Variants in HERC3 observed in about 807,000 individuals in gnomAD.
HERC3 encodes the protein HECT and RLD domain containing E3 ubiquitin protein ligase 3.
HERC3 carries 58 observed loss-of-function variants against 129.9 expected under a neutral mutation model. That is an observed-to-expected ratio of 0.45 (90% CI 0.36 to 0.56). HERC3 has a LOEUF of 0.56. Ranked by LOEUF, HERC3 falls within the 20% of genes least tolerant of loss-of-function variation. The pLI, the probability that HERC3 is intolerant of heterozygous loss-of-function variation, is 0.00. For synonymous variants in HERC3, 430 were observed against 451.0 expected, an observed-to-expected ratio of 0.95 and a Z score of 0.59; for missense variants, 835 against 1,244.2, an observed-to-expected ratio of 0.67 and a Z score of 4.95.
chr4:88,627,904 C>CA (rs60358778), intron 3 of HERC3, among the ~76,000 whole-genome samples: 320 of 80,476 alleles, frequency 4.0e-3, no homozygotes, highest in Non-Finnish European at 6.1e-3. Context: ...AACTCCGTCT[C>CA]AAAAAAAAAA....
chr4:88,701,641 T>C (rs987363465), intron 23 of HERC3, among the ~76,000 whole-genome samples: 3 of 152,196 alleles, frequency 2.0e-5, no homozygotes, highest in Admixed American at 6.5e-5. Flanking sequence ...CTGATACCGC[T>C]GTACATACCC....
At chr4:88,562,865 T>G in the HERC3 span, among the ~76,000 whole-genome samples, 1 of 152,240 alleles carries the variant, frequency 6.6e-6, no homozygotes. Context: ...TTTATGTGTC[T>G]GTTTTTATGC....
At position 88,679,997 on chromosome 4, in the gene HERC3, C is replaced by G. The variant is rs1732593173; in HGVS notation, c.2197-96C>G. The G allele has an allele frequency of 1.7e-5, 18 of 1,065,460 alleles. No homozygotes were observed. The South Asian group carries it at 3.1e-4, about 18-fold the overall frequency. The allele number at this position is 1,065,460 out of a possible 1,614,324, so 66.0% of individuals were successfully genotyped here. ...AGTGTGTATTCTTTGTTATGCTTTC[C>G]TTCCTTTGTCCTGAGTTTAGAAAAT... On this transcript the variant is annotated intron_variant, in intron 19 of 25. Coordinates refer to ENST00000402738, the MANE Select transcript of HERC3 (RefSeq NM_014606.3).
At chr4:88,688,394 C>T (rs1733706184) in intron 23 of HERC3, among the ~76,000 whole-genome samples, 1 of 151,992 alleles carries the variant, frequency 6.6e-6, no homozygotes, top group Non-Finnish European at 1.5e-5. Flanking sequence ...GGAAATAGAC[C>T]GTGTGCAGGG....
intron 2 of HERC3, among the ~76,000 whole-genome samples, chr4:88,599,973 CTCTT>C (rs1722805168): frequency 6.6e-6 from 1 of 152,280 alleles, no homozygotes; most frequent in South Asian, 2.1e-4. Context: ...AGCATAGTGT[CTCTT>C]TCTTTTCCTT....
At chr4:88,663,747 A>T (rs1730752616) in intron 11 of HERC3, among the ~76,000 whole-genome samples, 2 of 152,148 alleles carry the variant, frequency 1.3e-5, no homozygotes, top group African/African-American at 4.8e-5. Context: ...AATAGAAGTA[A>T]TTTTTCAGTT....
chr4:88,648,852 A>G (rs1203411092), intron 3 of HERC3, among the ~76,000 whole-genome samples: 1 of 144,638 alleles, frequency 6.9e-6, no homozygotes, highest in Non-Finnish European at 1.5e-5. Context: ...TTTTTCTTCT[A>G]TTTCCTAGAA....
intron 3 of HERC3, among the ~76,000 whole-genome samples, chr4:88,607,498 C>G (rs944770973): frequency 2.6e-5 from 4 of 152,040 alleles, no homozygotes; most frequent in South Asian, 2.1e-4. Context: ...GGATCTGGCT[C>G]TGTCGCCCAG....
At chr4:88,569,961 G>A in the HERC3 span, among the ~76,000 whole-genome samples, 3 of 152,224 alleles carry the variant, frequency 2.0e-5, no homozygotes, top group Non-Finnish European at 4.4e-5. Context: ...GTGGGAACAA[G>A]TCTGTGTCCA....
chr4:88,593,260 GGT>G (rs528386367), intron 1 of HERC3: 7,177 of 151,454 alleles, frequency 0.047, 553 homozygotes, highest in African/African-American at 0.16. Context: ...CGTGTGTACG[GGT>G]GTGTGTGTGT....
intron 3 of HERC3, among the ~76,000 whole-genome samples, chr4:88,607,472 A>AT (rs1319023565): frequency 1.3e-5 from 2 of 150,632 alleles, no homozygotes; most frequent in Admixed American, 6.6e-5. Context: ...CTATTTTTAC[A>AT]TTTTTTTTTG....
chr4:88,699,317 C>CTTCCCCACCGACCCACCCCTACCCT (rs1735088432), intron 23 of HERC3, among the ~76,000 whole-genome samples: 2 of 59,230 alleles, frequency 3.4e-5, no homozygotes, highest in Non-Finnish European at 6.1e-5. Context: ...CCACCCTCTT[C>CTTCCCCACCGACCCACCCCTACCCT]CTCCCCACCC....
At chr4:88,565,939 T>C in the HERC3 span, among the ~76,000 whole-genome samples, 1 of 152,120 alleles carries the variant, frequency 6.6e-6, no homozygotes, top group African/African-American at 2.4e-5. Context: ...TGTGTATCTG[T>C]TGCATGTTTT....
At chr4:88,552,109 G>A in the HERC3 span, among the ~76,000 whole-genome samples, 34 of 120,480 alleles carry the variant, frequency 2.8e-4, no homozygotes, top group African/African-American at 1.0e-3. Flanking sequence ...ACAGGAAGGG[G>A]AACATCACAG....
At chr4:88,673,263 C>T (rs1043931695) in intron 16 of HERC3, among the ~76,000 whole-genome samples, 14 of 152,116 alleles carry the variant, frequency 9.2e-5, no homozygotes, top group Non-Finnish European at 1.3e-4. Flanking sequence ...GTATTGTGCA[C>T]GTGTGAGACA....
rs529858708 is a variant in HERC3, at chr4:88,616,306, AC to A, written c.226+10259del. On this transcript the variant is annotated intron_variant, in intron 3 of 25. Coordinates refer to ENST00000402738, the MANE Select transcript of HERC3 (RefSeq NM_014606.3). ...TACATCTTCTCTCTATGCAATTGTTACCATTACTTCCAGCATTCTCATCCAA... is the reference window on the plus strand; with the variant it reads ...TACATCTTCTCTCTATGCAATTGTTACATTACTTCCAGCATTCTCATCCAA... Among the ~76,000 whole-genome samples, 39 of 152,308 alleles carry A rather than the reference AC, an allele frequency of 2.6e-4. No homozygotes were observed. The South Asian group carries it at 8.1e-3, about 32-fold the overall frequency.
At chr4:88,667,734 G>A (rs1388110663) in intron 13 of HERC3, among the ~76,000 whole-genome samples, 158 bp from the exon 14 acceptor site, 3 of 152,242 alleles carry the variant, frequency 2.0e-5, no homozygotes, top group South Asian at 2.1e-4. Flanking sequence ...TCATGGATGT[G>A]TACTGAGGGC....
the HERC3 span, among the ~76,000 whole-genome samples, chr4:88,551,550 C>T: frequency 6.0e-5 from 9 of 150,840 alleles, no homozygotes; most frequent in African/African-American, 2.2e-4. Flanking sequence ...TCATCACTGG[C>T]CATCAGAGAA....
intron 16 of HERC3, among the ~76,000 whole-genome samples, chr4:88,672,557 G>T (rs1731728215): frequency 6.6e-6 from 1 of 152,104 alleles, no homozygotes; most frequent in Non-Finnish European, 1.5e-5. Context: ...AATAATAGAT[G>T]GATTTTTTTG....
Sources: allele counts gnomAD v4.1 joint callset (sites outside exome capture counted in the v4.1 genomes callset), GRCh38; gene constraint gnomAD v4.1.1; transcripts MANE v1.5; gene names NCBI Gene and HGNC (gene_info 2026-07-23, HGNC 2026-07-21).